Variants in CNTNAP5 observed in about 807,000 individuals in gnomAD.
CNTNAP5 encodes contactin associated protein family member 5, also known as contactin-associated protein-like 5.
CNTNAP5 carries 72 observed loss-of-function variants against 150.2 expected under a neutral mutation model. The observed-to-expected ratio is 0.48, with a 90% CI of 0.40 to 0.58. CNTNAP5 has a LOEUF of 0.58. Among genes scored for constraint, CNTNAP5 ranks in the 20% least tolerant of loss-of-function variants. The pLI is 0.00. For missense variants in CNTNAP5, 1,636 were observed against 1,626.2 expected, an observed-to-expected ratio of 1.01 and a Z score of -0.10; for synonymous variants, 672 against 619.8, an observed-to-expected ratio of 1.08 and a Z score of -1.25.
intron 10 of CNTNAP5, among the ~76,000 whole-genome samples, chr2:124,529,472 T>C (rs925440709): frequency 6.6e-6 from 1 of 152,162 alleles, no homozygotes; most frequent in Non-Finnish European, 1.5e-5. Flanking sequence ...CGTGAGTAAG[T>C]GGTAAGTTTT....
intron 1 of CNTNAP5, among the ~76,000 whole-genome samples, chr2:124,049,090 C>T (rs1422844538): frequency 1.3e-5 from 2 of 152,186 alleles, no homozygotes; most frequent in Non-Finnish European, 2.9e-5. Context: ...GCTTGCTGCT[C>T]TGCAGAGGTC....
intron 3 of CNTNAP5, among the ~76,000 whole-genome samples, chr2:124,412,575 G>A (rs1573977034): frequency 1.3e-5 from 2 of 151,260 alleles, no homozygotes; most frequent in East Asian, 3.9e-4. Context: ...AAATAACGCT[G>A]CATATCTACA....
intron 11 of CNTNAP5, among the ~76,000 whole-genome samples, chr2:124,584,741 A>G (rs566794406): frequency 1.5e-4 from 23 of 152,360 alleles, no homozygotes; most frequent in African/African-American, 5.1e-4. Context: ...TAAATACTGT[A>G]TAATTATTTC....
intron 13 of CNTNAP5, among the ~76,000 whole-genome samples, chr2:124,649,796 G>A (rs1457268015): frequency 6.6e-6 from 1 of 152,160 alleles, no homozygotes; most frequent in South Asian, 2.1e-4. Context: ...AAAAAATTTA[G>A]TCTGAACTCC....
chr2:124,757,743 C>A (rs1680871252), intron 14 of CNTNAP5, among the ~76,000 whole-genome samples: 1 of 152,116 alleles, frequency 6.6e-6, no homozygotes, highest in South Asian at 2.1e-4. Context: ...GGGAAGGCAT[C>A]CACGGATATA....
chr2:124,419,187 A>G (rs1386056568), intron 4 of CNTNAP5, among the ~76,000 whole-genome samples: 6 of 145,094 alleles, frequency 4.1e-5, no homozygotes, highest in Non-Finnish European at 9.0e-5. Flanking sequence ...TTATGCTACA[A>G]TTAAAAGTTT....
intron 11 of CNTNAP5, among the ~76,000 whole-genome samples, chr2:124,573,131 A>G (rs1558959861): frequency 6.6e-6 from 1 of 152,216 alleles, no homozygotes; most frequent in Non-Finnish European, 1.5e-5. Flanking sequence ...TCTTCACATT[A>G]CAACATCTTA....
At chr2:124,604,282 G>C (rs1183559882) in intron 11 of CNTNAP5, among the ~76,000 whole-genome samples, 3 of 151,876 alleles carry the variant, frequency 2.0e-5, no homozygotes, top group African/African-American at 7.3e-5. Flanking sequence ...ACAATTATTA[G>C]CTTTTTCTTG....
chr2:124,687,123 G>A (rs1679208990), intron 13 of CNTNAP5, among the ~76,000 whole-genome samples: 1 of 152,056 alleles, frequency 6.6e-6, no homozygotes, highest in Non-Finnish European at 1.5e-5. Flanking sequence ...TTGGGTACCT[G>A]GGGCTAGAGT....
chr2:124,283,934 G>A (rs938337890), intron 3 of CNTNAP5, among the ~76,000 whole-genome samples: 4 of 152,136 alleles, frequency 2.6e-5, no homozygotes, highest in Admixed American at 6.5e-5. Context: ...CTGCATTGTT[G>A]ATTATGTTTC....
intron 17 of CNTNAP5, among the ~76,000 whole-genome samples, chr2:124,773,338 A>G (rs1258426488): frequency 6.6e-6 from 1 of 152,186 alleles, no homozygotes; most frequent in African/African-American, 2.4e-5. Context: ...GGGACAGGAC[A>G]TGTCAACTCT....
intron 22 of CNTNAP5, among the ~76,000 whole-genome samples, chr2:124,905,109 T>A (rs1483212775): frequency 8.6e-6 from 1 of 116,760 alleles, no homozygotes; most frequent in Non-Finnish European, 1.9e-5. Context: ...GTGAATAGTT[T>A]TTTTTTGTTT....
At chr2:124,415,778 C>T (rs1378379072) in intron 3 of CNTNAP5, among the ~76,000 whole-genome samples, 1 of 152,198 alleles carries the variant, frequency 6.6e-6, no homozygotes, top group East Asian at 1.9e-4. Flanking sequence ...GGTTATACGA[C>T]AACGTGAATA....
At chr2:124,727,301 C>T (rs1239359817) in intron 13 of CNTNAP5, among the ~76,000 whole-genome samples, 1 of 151,892 alleles carries the variant, frequency 6.6e-6, no homozygotes, top group Non-Finnish European at 1.5e-5. Context: ...ATTGATTTGA[C>T]TATTCAGGGT....
At chr2:124,689,527 A>T (rs573202219) in intron 13 of CNTNAP5, among the ~76,000 whole-genome samples, 2 of 152,058 alleles carry the variant, frequency 1.3e-5, no homozygotes, top group African/African-American at 2.4e-5. Flanking sequence ...GTATGCACAC[A>T]TGTGTTTGCC....
chr2:124,306,411 C>G (rs929374562), intron 3 of CNTNAP5, among the ~76,000 whole-genome samples: 1 of 152,106 alleles, frequency 6.6e-6, no homozygotes, highest in Non-Finnish European at 1.5e-5. Context: ...TCTTTCCCCC[C>G]CAAATAAGTC....
In CNTNAP5 at chr2:124,829,280, C is replaced by G. The variant is rs570493703; in HGVS notation, c.3217+30960C>G. Among the ~76,000 whole-genome samples the G allele has an allele frequency of 5.9e-5, 9 of 152,142 alleles. No individual in the cohort carries two copies. The South Asian group carries it at 6.2e-4, about 11-fold the overall frequency. ...TGCCATTTTGTCTCACAAGATCCCC[C>G]CTTTGATCATAAATCAACTGTCTGG... is the stretch of plus-strand genomic sequence containing the variant. On this transcript the variant is annotated intron_variant, in intron 19 of 23. Transcript: ENST00000682447.
At chr2:124,778,663 A>T (rs1477397507) in intron 17 of CNTNAP5, 2 of 152,878 alleles carry the variant, frequency 1.3e-5, no homozygotes. Context: ...AATGGAAGAA[A>T]CTCTCCAAAA....
rs556571236 is a variant in CNTNAP5, at chr2:124,057,448, A to ATTTTTTTTTTTTTTTTTTTTTTTTTT, written c.82+31739_82+31740insTTTTTTTTTTTTTTTTTTTTTTTTTT. Among the ~76,000 whole-genome samples, 109 of 62,756 alleles carry ATTTTTTTTTTTTTTTTTTTTTTTTTT rather than the reference A, an allele frequency of 1.7e-3. 17 individuals are homozygous for ATTTTTTTTTTTTTTTTTTTTTTTTTT. The highest frequency in any genetic ancestry group is 2.5e-3 in the East Asian group (5 of 2,000). 41.2% of individuals were successfully genotyped at this position (62,756 alleles called of 152,430 possible). A position where few individuals can be genotyped will look rare whatever the true frequency, so the allele number is the denominator to read the frequency against. On this transcript the variant is annotated intron_variant, in intron 1 of 23. Coordinates refer to ENST00000682447, the MANE Select transcript of CNTNAP5 (RefSeq NM_001367498.1). ...AGGCACCCACCAGCACGGCCAGCTA[A>ATTTTTTTTTTTTTTTTTTTTTTTTTT]TTTTTTTTTTTTTTTTTTTTTTTAG...
Sources: gnomAD v4.1 joint callset for allele counts (sites outside exome capture counted in the v4.1 genomes callset) on GRCh38, gnomAD v4.1.1 for gene constraint, MANE v1.5 for transcripts, NCBI Gene and HGNC (gene_info 2026-07-23, HGNC 2026-07-21) for gene names.